TBC1D1: variants seen among roughly 807,000 people sequenced by gnomAD.
The protein encoded by TBC1D1 is TBC1 domain family member 1, also known as TBC1 (tre-2/USP6, BUB2, cdc16) domain family, member 1.
In TBC1D1, 89 loss-of-function variants were observed where a neutral mutation model predicts 125.6. The observed-to-expected ratio is 0.71, with a 90% CI of 0.60 to 0.85. The LOEUF is 0.85. Among genes scored for constraint, TBC1D1 ranks in the 40% least tolerant of loss-of-function variants. The pLI is 0.00. For missense variants in TBC1D1, 1,377 were observed against 1,469.2 expected (o/e 0.94, Z 1.03); for synonymous variants, 565 against 564.1 (o/e 1.00, Z -0.02).
At position 38,118,029 on chromosome 4, in the gene TBC1D1, G is replaced by A. The variant is rs188204165; in HGVS notation, c.2803-4G>A. 16 of 1,613,830 alleles carry A rather than the reference G, an allele frequency of 9.9e-6. No homozygotes were observed. In the South Asian group the frequency reaches 1.1e-4, roughly 11 times the overall value. On this transcript the variant is annotated splice_region_variant and splice_polypyrimidine_tract_variant and intron_variant, in intron 16 of 19. Transcript: ENST00000261439. ...TCTCAGCCCTTGTGGCTGTCTTCCT[G>A]CAGATCCAGATGTACCAGCTCTCGA...
intron 19 of TBC1D1, among the ~76,000 whole-genome samples, chr4:38,134,476 A>G (rs556425130): frequency 4.6e-5 from 7 of 152,208 alleles, no homozygotes; most frequent in Non-Finnish European, 8.8e-5. Context: ...GCCATCACTC[A>G]AGGGAAGTCT....
At chr4:37,985,851 T>C (rs1735333201) in intron 2 of TBC1D1, among the ~76,000 whole-genome samples, 1 of 152,178 alleles carries the variant, frequency 6.6e-6, no homozygotes, top group Non-Finnish European at 1.5e-5. Context: ...ATCACTCAGC[T>C]GGGATTTTGG....
intron 12 of TBC1D1, among the ~76,000 whole-genome samples, chr4:38,061,154 A>G (rs981281520): frequency 1.3e-5 from 2 of 152,240 alleles, no homozygotes; most frequent in African/African-American, 4.8e-5. Context: ...AGGTGAACCC[A>G]AATGTATGGT....
chr4:38,118,372 T>TC, intron 17 of TBC1D1, 180 bp downstream of exon 19: 1 of 632,648 alleles, frequency 1.6e-6, no homozygotes, highest in Non-Finnish European at 2.6e-6. Flanking sequence ...CTCCTTAACT[T>TC]CTGATAATCA....
At chr4:37,911,498 T>A (rs1718630018) in intron 2 of TBC1D1, among the ~76,000 whole-genome samples, 1 of 151,630 alleles carries the variant, frequency 6.6e-6, no homozygotes, top group South Asian at 2.1e-4. Flanking sequence ...GGGAAAGAGG[T>A]GGACTTGAGT....
At position 37,957,243 on chromosome 4, in the gene TBC1D1, A is replaced by T. The variant is rs541056510; in HGVS notation, c.417+54731A>T. Among the ~76,000 whole-genome samples the T allele has an allele frequency of 2.0e-5, 3 of 152,362 alleles. No homozygotes were observed. The East Asian group carries it at 5.8e-4, about 29-fold the overall frequency. ...GAAAGAGACAAATGTATGATACCTG[A>T]TATGACACATGTTTTCATTCTTCAC... On this transcript the variant is annotated intron_variant, in intron 2 of 19. Coordinates refer to ENST00000261439, the MANE Select transcript of TBC1D1 (RefSeq NM_015173.4).
Position 38,086,710 on chromosome 4 carries a change from C to T in TBC1D1, c.2051-3222C>T, listed in dbSNP as rs766955926. Among the ~76,000 whole-genome samples, 8 of 152,144 alleles carry T rather than the reference C, an allele frequency of 5.3e-5. 1 individual carries two copies. Among genetic ancestry groups the T allele is most frequent in the Non-Finnish European group, 1.2e-4 (8 of 68,030 alleles). On this transcript the variant is annotated intron_variant, in intron 12 of 19. Transcript: ENST00000261439. ...GGAGATGAGCCGACGTGCTAGCAAG[C>T]GCATAGGGTTGCATGAGGAAATAGA...
intron 2 of TBC1D1, among the ~76,000 whole-genome samples, chr4:37,998,442 T>C (rs1433459695): frequency 6.6e-6 from 1 of 152,190 alleles, no homozygotes; most frequent in African/African-American, 2.4e-5. Context: ...CTCAGCTGTC[T>C]CAGTCTCAGC....
chr4:37,893,008 G>A (rs572557171), intron 1 of TBC1D1, among the ~76,000 whole-genome samples: 4 of 152,106 alleles, frequency 2.6e-5, no homozygotes, highest in African/African-American at 9.7e-5. Context: ...AGATCTTCTA[G>A]GATCTTCTAG....
At chr4:38,124,858 A>C in intron 17 of TBC1D1, 104 bp from the exon 20 acceptor site, 1 of 911,172 alleles carries the variant, frequency 1.1e-6, no homozygotes. Flanking sequence ...ATGTGGGGCT[A>C]TGTCTCCCAC....
intron 18 of TBC1D1, among the ~76,000 whole-genome samples, chr4:38,126,261 A>G (rs1764638318): frequency 6.6e-6 from 1 of 152,262 alleles, no homozygotes; most frequent in Non-Finnish European, 1.5e-5. Context: ...CCACCATCAT[A>G]TATGCAGTTC....
At chr4:38,028,929 A>G (rs555595080) in intron 7 of TBC1D1, among the ~76,000 whole-genome samples, 1 of 152,168 alleles carries the variant, frequency 6.6e-6, no homozygotes, top group East Asian at 1.9e-4. Flanking sequence ...TTGGAACCTG[A>G]TAATATATCA....
intron 2 of TBC1D1, among the ~76,000 whole-genome samples, chr4:37,903,024 C>A (rs59899255): frequency 1.3e-5 from 2 of 152,176 alleles, no homozygotes; most frequent in African/African-American, 2.4e-5. Flanking sequence ...TATAGTCATT[C>A]GTAAACTGTG....
At chr4:37,911,776 C>A (rs1425681733) in intron 2 of TBC1D1, among the ~76,000 whole-genome samples, 1 of 152,056 alleles carries the variant, frequency 6.6e-6, no homozygotes, top group African/African-American at 2.4e-5. Context: ...GTTTTATGTG[C>A]CAAATGTAAG....
intron 19 of TBC1D1, among the ~76,000 whole-genome samples, chr4:38,136,856 T>C (rs1057466312): frequency 1.3e-5 from 2 of 152,096 alleles, no homozygotes; most frequent in East Asian, 3.9e-4. Context: ...TTGGGTTCCC[T>C]CTGTGTTGTG....
chr4:37,965,230 T>C (rs1730842842), intron 2 of TBC1D1, among the ~76,000 whole-genome samples: 1 of 152,232 alleles, frequency 6.6e-6, no homozygotes, highest in African/African-American at 2.4e-5. Flanking sequence ...CTTTCCCACC[T>C]GAGTGCTTCA....
rs1733424307 is a variant in TBC1D1 at position 37,977,538 on chromosome 4, C to T, written c.418-36971C>T. ...TCAGCTGGGTGGCCAAGGTAGGCGGCGTCGGGCGGGCGCCCGTTACCGGAG... is the reference window on the plus strand; with the variant it reads ...TCAGCTGGGTGGCCAAGGTAGGCGGTGTCGGGCGGGCGCCCGTTACCGGAG... On this transcript the variant is annotated intron_variant, in intron 2 of 19. Coordinates refer to ENST00000261439, the MANE Select transcript of TBC1D1 (RefSeq NM_015173.4). This position sits in a 1 kb window ranked among gnomAD's most constrained non-coding sequence, Gnocchi z 4.3. 3 of 943,842 alleles carry T rather than the reference C, an allele frequency of 3.2e-6. No homozygotes were observed. Among genetic ancestry groups the T allele is most frequent in the East Asian group, 1.2e-4 (1 of 8,554 alleles). 58.5% of individuals were successfully genotyped at this position (943,842 alleles called of 1,614,324 possible).
Position 38,006,686 on chromosome 4 carries a change from A to G in TBC1D1, c.418-7823A>G, listed in dbSNP as rs374593196. The G allele has an allele frequency of 4.5e-4, 128 of 284,690 alleles. 1 individual carries two copies. Among genetic ancestry groups the G allele is most frequent in the Middle Eastern group, 1.4e-3 (1 of 716 alleles). 17.6% of individuals were successfully genotyped at this position (284,690 alleles called of 1,614,324 possible). On this transcript the variant is annotated intron_variant, in intron 2 of 19. Coordinates refer to ENST00000261439, the MANE Select transcript of TBC1D1 (RefSeq NM_015173.4). The stretch of plus-strand genomic sequence containing the variant: ...AGTAGAGATGGGGTTTCACCATGTT[A>G]GCCAGGATGGGCTCAATCTCCTGAC...
Position 37,977,627 on chromosome 4 carries a change from G to C in TBC1D1, c.418-36882G>C. 3.4e-6 allele frequency: 1 copy of C among 292,504 alleles called. No individual in the cohort carries two copies. Among genetic ancestry groups the C allele is most frequent in the Non-Finnish European group, 5.2e-6 (1 of 192,534 alleles). 18.1% of individuals were successfully genotyped at this position (292,504 alleles called of 1,614,324 possible). On this transcript the variant is annotated intron_variant, in intron 2 of 19. Coordinates refer to ENST00000261439, the MANE Select transcript of TBC1D1 (RefSeq NM_015173.4). This position sits in a 1 kb window ranked among gnomAD's most constrained non-coding sequence, Gnocchi z 4.3. ...CGGGCCGGGGCTGGGCCGGGCCGCTGGAGGCCAGGCGCGGCGGGGGGCGAG... is the reference window on the plus strand; with the variant it reads ...CGGGCCGGGGCTGGGCCGGGCCGCTCGAGGCCAGGCGCGGCGGGGGGCGAG...
Sources: allele counts gnomAD v4.1 joint callset (sites outside exome capture counted in the v4.1 genomes callset), GRCh38; gene constraint gnomAD v4.1.1; non-coding constraint Gnocchi (gnomAD v3.1); transcripts MANE v1.5; gene names NCBI Gene and HGNC (gene_info 2026-07-23, HGNC 2026-07-21).